Variants in VAV2 observed in about 807,000 individuals in gnomAD.
VAV2 encodes the protein guanine nucleotide exchange factor VAV2.
In VAV2, 67 loss-of-function variants were observed where a neutral mutation model predicts 132.5. That is an observed-to-expected ratio of 0.51 (90% CI 0.42 to 0.62). VAV2 has a LOEUF of 0.62. Ranked by LOEUF, VAV2 falls within the 20% of genes least tolerant of loss-of-function variation. VAV2 has a pLI of 0.00. For synonymous variants in VAV2, 492 were observed against 443.5 expected (o/e 1.11, Z -1.37); for missense variants, 938 against 1,153.6 (o/e 0.81, Z 2.71).
chr9:133,936,733 T>C (rs747953315), intron 2 of VAV2, among the ~76,000 whole-genome samples: 27 of 152,026 alleles, frequency 1.8e-4, no homozygotes, highest in Non-Finnish European at 3.4e-4. Context: ...CACGGTGACA[T>C]CACCTCCATT....
intron 3 of VAV2, among the ~76,000 whole-genome samples, chr9:133,841,168 T>C (rs112497994): frequency 5.1e-4 from 78 of 152,180 alleles, no homozygotes; most frequent in Middle Eastern, 3.4e-3. Flanking sequence ...TGTGCTTCCA[T>C]GAGGACTGTG....
chr9:133,765,069 C>T (rs1471068407), intron 29 of VAV2, among the ~76,000 whole-genome samples: 6 of 152,066 alleles, frequency 3.9e-5, no homozygotes, highest in South Asian at 2.1e-4. Flanking sequence ...TCCTGGGGGA[C>T]GATGAATAAG....
Position 133,840,984 on chromosome 9 carries a change from C to T in VAV2, c.381-6644G>A, listed in dbSNP as rs1564396903. Among the ~76,000 whole-genome samples the T allele has an allele frequency of 6.6e-6, 1 of 152,170 alleles. No individual in the cohort carries two copies. The highest frequency in any genetic ancestry group is 2.1e-4 in the South Asian group (1 of 4,812). ...ACCCTCAGGATCTCAGCTAGAGGGA[C>T]GACAGCTTGGGTTTGCTTTCTTGGA... is the stretch of plus-strand genomic sequence containing the variant. On this transcript the variant is annotated intron_variant, in intron 3 of 29. Transcript: ENST00000371850. This position sits in a 1 kb window ranked among gnomAD's most constrained non-coding sequence, Gnocchi z 4.5.
rs955922925 is a variant in VAV2 at position 133,840,266 on chromosome 9, G to A, written c.381-5926C>T. ...GGGAAGCAGAGTTTCCCACTGCACC[G>A]CCGAGGGGACGAAGCAGATGTCCGC... On this transcript the variant is annotated intron_variant, in intron 3 of 29. Transcript: ENST00000371850. This position sits in a 1 kb window ranked among gnomAD's most constrained non-coding sequence, Gnocchi z 4.5. 5.9e-5 allele frequency among the ~76,000 whole-genome samples: 9 copies of A among 152,174 alleles called. No homozygotes were observed. The highest frequency in any genetic ancestry group is 1.4e-4 in the African/African-American group (6 of 41,430).
chr9:133,890,053 G>C (rs1317322004), intron 2 of VAV2, among the ~76,000 whole-genome samples: 4 of 152,216 alleles, frequency 2.6e-5, no homozygotes, highest in African/African-American at 9.7e-5. Context: ...ACTCCGGGAG[G>C]CTATGGTGCC....
At chr9:133,944,810 G>A (rs1478926885) in intron 1 of VAV2, among the ~76,000 whole-genome samples, 1 of 152,260 alleles carries the variant, frequency 6.6e-6, no homozygotes, top group African/African-American at 2.4e-5. Flanking sequence ...GGACCATGCA[G>A]GAGGAGCGTG....
chr9:133,989,336 T>C (rs1443563307), intron 1 of VAV2, among the ~76,000 whole-genome samples: 5 of 83,406 alleles, frequency 6.0e-5, no homozygotes, highest in Admixed American at 1.5e-4. Context: ...CAAAACTCCA[T>C]CTCAAAAAAA....
chr9:133,814,694 G>C (rs998208756), intron 4 of VAV2, among the ~76,000 whole-genome samples: 1 of 152,248 alleles, frequency 6.6e-6, no homozygotes, highest in Non-Finnish European at 1.5e-5. Flanking sequence ...ACTGTGGGGT[G>C]TCCCAACAGA....
intron 2 of VAV2, among the ~76,000 whole-genome samples, chr9:133,917,783 C>T (rs1484760917): frequency 6.6e-6 from 1 of 152,202 alleles, no homozygotes; most frequent in Non-Finnish European, 1.5e-5. Flanking sequence ...AGGACAGGAC[C>T]GAACAGATCC....
rs1474279082 is a variant in VAV2, at chr9:133,918,706, G to A, written c.321+20397C>T. On this transcript the variant is annotated intron_variant, in intron 2 of 29. Coordinates refer to ENST00000371850, the MANE Select transcript of VAV2 (RefSeq NM_001134398.2). This position sits in a 1 kb window ranked among gnomAD's most constrained non-coding sequence, Gnocchi z 4.7. The stretch of plus-strand genomic sequence containing the variant: ...AATCCAGGCCCATCTGAGTCCAAAA[G>A]TCCCATTCTCAACCCCTGGGCTCCT... Among the ~76,000 whole-genome samples the A allele has an allele frequency of 6.6e-6, 1 of 152,016 alleles. No individual in the cohort carries two copies. Among genetic ancestry groups the A allele is most frequent in the African/African-American group, 2.4e-5 (1 of 41,376 alleles).
At chr9:133,765,035 G>C (rs1197226767) in intron 29 of VAV2, among the ~76,000 whole-genome samples, 1 of 152,136 alleles carries the variant, frequency 6.6e-6, no homozygotes, top group Non-Finnish European at 1.5e-5. Context: ...AAAGGAACTA[G>C]GTCTCCTTGG....
At chr9:133,807,218 C>T (rs1433898323) in intron 8 of VAV2, 40 bp downstream of exon 8, 4 of 1,593,032 alleles carry the variant, frequency 2.5e-6, no homozygotes, top group Non-Finnish European at 3.4e-6. Flanking sequence ...CGAGTTAGGG[C>T]CCCGAGCCTG....
chr9:133,845,081 G>A (rs534235562), intron 3 of VAV2, among the ~76,000 whole-genome samples: 2 of 152,356 alleles, frequency 1.3e-5, no homozygotes, highest in Non-Finnish European at 1.5e-5. Flanking sequence ...GCACACAAAC[G>A]GCTTCCTGAG....
At chr9:133,921,388 A>G (rs1588373256) in intron 2 of VAV2, among the ~76,000 whole-genome samples, 1 of 152,204 alleles carries the variant, frequency 6.6e-6, no homozygotes, top group South Asian at 2.1e-4. Flanking sequence ...CTGTCATCTC[A>G]GCACTTCAGG....
At position 133,961,538 on chromosome 9, in the gene VAV2, A is replaced by G. The variant is rs891987157; in HGVS notation, c.205-22319T>C. Among the ~76,000 whole-genome samples, 1 of 152,146 alleles carries G rather than the reference A, an allele frequency of 6.6e-6. No individual in the cohort carries two copies. Among genetic ancestry groups the G allele is most frequent in the South Asian group, 2.1e-4 (1 of 4,822 alleles). ...GGGAGCCCTTTCCCACCCCCCGCTC[A>G]ACAGGAACACAGCTGCTTCACCTCT... On this transcript the variant is annotated intron_variant, in intron 1 of 29. Transcript: ENST00000371850. The surrounding 1 kb of genome is among the most constrained non-coding windows in gnomAD (Gnocchi z 4.1).
At chr9:133,799,779 A>T (rs59232037) in intron 9 of VAV2, among the ~76,000 whole-genome samples, 7,281 of 151,396 alleles carry the variant, frequency 0.048, 278 homozygotes, top group African/African-American at 0.11. Context: ...TTCCCCTTTT[A>T]AAAAAAAATG....
In VAV2 at chr9:133,840,918, T is replaced by G. The variant is rs1473855484; in HGVS notation, c.381-6578A>C. On this transcript the variant is annotated intron_variant, in intron 3 of 29. Coordinates refer to ENST00000371850, the MANE Select transcript of VAV2 (RefSeq NM_001134398.2). The surrounding 1 kb of genome is among the most constrained non-coding windows in gnomAD (Gnocchi z 4.5). ...GAGGGGCACATTGGACGCGCAGGGG[T>G]CTCCAAGCTGAGGGTAGCAAGCACA... Among the ~76,000 whole-genome samples the G allele has an allele frequency of 1.3e-5, 2 of 151,778 alleles. No individual in the cohort carries two copies. The highest frequency in any genetic ancestry group is 2.9e-5 in the Non-Finnish European group (2 of 67,968).
At chr9:133,803,081 G>A (rs1834998760) in intron 9 of VAV2, among the ~76,000 whole-genome samples, 1 of 152,122 alleles carries the variant, frequency 6.6e-6, no homozygotes, top group African/African-American at 2.4e-5. Flanking sequence ...CCAGCCTTGG[G>A]CTTCGGGTAG....
At chr9:133,812,255 C>T in intron 4 of VAV2, 39 bp from the exon 5 acceptor site, 1 of 1,598,728 alleles carries the variant, frequency 6.3e-7, no homozygotes, top group Non-Finnish European at 8.6e-7. Context: ...AGGGGAGGCT[C>T]CCGCCACCCT....
Sources: gnomAD v4.1 joint callset for allele counts (sites outside exome capture counted in the v4.1 genomes callset) on GRCh38, gnomAD v4.1.1 for gene constraint, Gnocchi (gnomAD v3.1) non-coding constraint, MANE v1.5 for transcripts, NCBI Gene and HGNC (gene_info 2026-07-23, HGNC 2026-07-21) for gene names.